The following MYO5A variants were observed in gnomAD, a reference collection of about 807,000 sequenced individuals.
The protein encoded by MYO5A is myosin VA.
A neutral mutation model predicts 249.7 loss-of-function variants in MYO5A; 98 were observed. The ratio of observed to expected loss-of-function variants is 0.39; its 90% CI spans 0.33 to 0.46. The LOEUF (loss-of-function observed/expected upper bound fraction) is 0.46. Ranked by LOEUF, MYO5A falls within the 20% of genes least tolerant of loss-of-function variation. The pLI is 0.98. For synonymous variants in MYO5A, 778 were observed against 810.6 expected (o/e 0.96, Z 0.68); for missense variants, 1,696 against 2,308.8 (o/e 0.73, Z 5.44).
intron 11 of MYO5A, 40 bp downstream of exon 11, chr15:52,396,276 A>T: frequency 8.5e-7 from 1 of 1,172,048 alleles, no homozygotes; most frequent in Non-Finnish European, 1.3e-6. Context: ...TCAAGAGAAT[A>T]ATTTATAGCA....
At chr15:52,494,076 T>C (rs2076989875) in intron 1 of MYO5A, among the ~76,000 whole-genome samples, 1 of 152,144 alleles carries the variant, frequency 6.6e-6, no homozygotes, top group African/African-American at 2.4e-5. Context: ...CAGAAAAGAA[T>C]GAGGCAGGGA....
intron 1 of MYO5A, among the ~76,000 whole-genome samples, chr15:52,517,505 T>C (rs796213265): frequency 2.6e-5 from 4 of 152,234 alleles, no homozygotes; most frequent in African/African-American, 9.6e-5. Flanking sequence ...GCCAACATGG[T>C]GAAATCCCGT....
At chr15:52,524,586 T>C (rs2077694477) in intron 1 of MYO5A, among the ~76,000 whole-genome samples, 2 of 147,616 alleles carry the variant, frequency 1.4e-5, no homozygotes, top group African/African-American at 5.2e-5. Context: ...AATAAATAAA[T>C]AAATAAAATA....
At chr15:52,368,355 AG>A (rs985046628) in intron 22 of MYO5A, among the ~76,000 whole-genome samples, 1 of 152,136 alleles carries the variant, frequency 6.6e-6, no homozygotes, top group African/African-American at 2.4e-5. Context: ...CTTGTTTGGT[AG>A]GGGTGCACAA....
At chr15:52,509,635 A>G (rs1389385583) in intron 1 of MYO5A, among the ~76,000 whole-genome samples, 1 of 152,236 alleles carries the variant, frequency 6.6e-6, no homozygotes, top group Non-Finnish European at 1.5e-5. Flanking sequence ...AAACTAAAAT[A>G]TGACAGCTGT....
intron 1 of MYO5A, among the ~76,000 whole-genome samples, chr15:52,453,285 T>C (rs905476781): frequency 1.3e-5 from 2 of 152,140 alleles, no homozygotes; most frequent in African/African-American, 4.8e-5. Context: ...ATTTTCAATG[T>C]GCTGAAAGAC....
At chr15:52,396,698 T>C (rs1595593290) in intron 10 of MYO5A, among the ~76,000 whole-genome samples, 2 of 151,974 alleles carry the variant, frequency 1.3e-5, no homozygotes, top group South Asian at 2.1e-4. Flanking sequence ...GTGGGGAACA[T>C]CAGAATTATA....
chr15:52,396,828 G>C (rs1463879544), intron 10 of MYO5A, among the ~76,000 whole-genome samples: 1 of 152,152 alleles, frequency 6.6e-6, no homozygotes, highest in Non-Finnish European at 1.5e-5. Flanking sequence ...GAAAAATTAA[G>C]TATGAAACAG....
intron 1 of MYO5A, among the ~76,000 whole-genome samples, chr15:52,447,635 G>A (rs1595701544): frequency 2.0e-5 from 3 of 152,320 alleles, no homozygotes; most frequent in African/African-American, 7.2e-5. Context: ...GAACTTCCTA[G>A]AGACCTATTG....
chr15:52,482,907 A>G (rs954166666), intron 1 of MYO5A, among the ~76,000 whole-genome samples: 1 of 152,174 alleles, frequency 6.6e-6, no homozygotes, highest in Non-Finnish European at 1.5e-5. Context: ...TTAGGCTTCT[A>G]TCATTGCAAT....
intron 1 of MYO5A, among the ~76,000 whole-genome samples, chr15:52,468,261 C>T (rs563856089): frequency 6.6e-6 from 1 of 152,272 alleles, no homozygotes; most frequent in Non-Finnish European, 1.5e-5. Context: ...GAGGTCACAC[C>T]ACTGTACACC....
intron 5 of MYO5A, among the ~76,000 whole-genome samples, chr15:52,412,672 A>C (rs2141242685): frequency 6.6e-6 from 1 of 152,304 alleles, no homozygotes; most frequent in East Asian, 1.9e-4. Flanking sequence ...CCATATAAGC[A>C]CTGTATTCAC....
At chr15:52,409,462 C>T (rs17651212) in intron 6 of MYO5A, among the ~76,000 whole-genome samples, 22,874 of 152,134 alleles carry the variant, frequency 0.15, 1,829 homozygotes, top group Middle Eastern at 0.22. Flanking sequence ...AAATCAAGTA[C>T]TATATTTTAG....
intron 1 of MYO5A, among the ~76,000 whole-genome samples, chr15:52,464,123 G>C (rs1021580554): frequency 6.6e-6 from 1 of 152,196 alleles, no homozygotes; most frequent in Non-Finnish European, 1.5e-5. Flanking sequence ...TTGTGATGCA[G>C]ATAAATTAGA....
intron 30 of MYO5A, among the ~76,000 whole-genome samples, chr15:52,345,800 T>A (rs1338025898): frequency 1.3e-5 from 2 of 152,158 alleles, no homozygotes; most frequent in East Asian, 1.9e-4. Flanking sequence ...AAACTATCCA[T>A]CAAGAGCCCC....
At chr15:52,498,041 T>A (rs2141568877) in intron 1 of MYO5A, among the ~76,000 whole-genome samples, 1 of 151,946 alleles carries the variant, frequency 6.6e-6, no homozygotes, top group Admixed American at 6.6e-5. Context: ...TCCAAGAAGC[T>A]ACAAAAAGAA....
intron 32 of MYO5A, among the ~76,000 whole-genome samples, chr15:52,338,937 T>C (rs1332568080): frequency 2.6e-5 from 4 of 152,196 alleles, no homozygotes; most frequent in African/African-American, 9.6e-5. Context: ...TATTTGGTAA[T>C]ACTTAGTCAT....
intron 18 of MYO5A, 53 bp downstream of exon 18, chr15:52,379,572 G>T: frequency 6.5e-7 from 1 of 1,527,566 alleles, no homozygotes; most frequent in Non-Finnish European, 9.1e-7. Flanking sequence ...GCTTTCCAAG[G>T]TCAGAACCAC....
chr15:52,313,924 T>A (rs1032092480), intron 41 of MYO5A, 76 bp from the exon 42 acceptor site: 21 of 1,539,260 alleles, frequency 1.4e-5, no homozygotes, highest in Middle Eastern at 2.2e-4. Flanking sequence ...CTAAAATTTC[T>A]ACCCTCAAAT....
Sources: gnomAD v4.1 joint callset for allele counts (sites outside exome capture counted in the v4.1 genomes callset) on GRCh38, gnomAD v4.1.1 for gene constraint, MANE v1.5 for transcripts, NCBI Gene and HGNC (gene_info 2026-07-23, HGNC 2026-07-21) for gene names.